Variants in SLC10A7 observed in about 807,000 individuals in gnomAD.
The protein encoded by SLC10A7 is solute carrier family 10 member 7.
SLC10A7 carries 29 observed loss-of-function variants against 43.2 expected under a neutral mutation model. The ratio of observed to expected loss-of-function variants is 0.67; its 90% CI spans 0.50 to 0.92. SLC10A7 has a LOEUF of 0.92. Among genes scored for constraint, SLC10A7 ranks in the 40% least tolerant of loss-of-function variants. The probability of loss-of-function intolerance (pLI) is 0.00; values close to 1 mark genes in which losing one functional copy is unlikely to be tolerated. For missense variants in SLC10A7, 295 were observed against 403.2 expected (o/e 0.73, Z 2.30); for synonymous variants, 152 against 144.8 (o/e 1.05, Z -0.35).
chr4:146,442,866 T>C lies in SLC10A7; in HGVS notation c.397-45A>G, dbSNP rs372980989. The C allele has an allele frequency of 9.0e-5, 117 of 1,296,920 alleles. No homozygotes were observed. The Middle Eastern group carries it at 9.7e-4, about 11-fold the overall frequency. The allele number at this position is 1,296,920 out of a possible 1,614,324, so 80.3% of individuals were successfully genotyped here. A position where few individuals can be genotyped will look rare whatever the true frequency, so the allele number is the denominator to read the frequency against. On this transcript the variant is annotated intron_variant, in intron 4 of 11. Coordinates refer to ENST00000335472, the MANE Select transcript of SLC10A7 (RefSeq NM_001029998.6). ...GGGAAAAAAACTCATTGAAAGTAAA[T>C]AAGAATAATAAAGCCAAAGATTATC...
chr4:146,264,112 C>T (rs762421738), intron 10 of SLC10A7, among the ~76,000 whole-genome samples: 2 of 152,226 alleles, frequency 1.3e-5, no homozygotes, highest in Non-Finnish European at 2.9e-5. Context: ...GAGCTTTCTT[C>T]CTCTAACAAG....
At chr4:146,482,236 G>T (rs1191834426) in intron 4 of SLC10A7, among the ~76,000 whole-genome samples, 2 of 151,916 alleles carry the variant, frequency 1.3e-5, no homozygotes, top group African/African-American at 4.8e-5. Flanking sequence ...TACCACCAAA[G>T]GAACTAAATG....
chr4:146,457,477 T>A (rs1021122941), intron 4 of SLC10A7, among the ~76,000 whole-genome samples: 1 of 151,894 alleles, frequency 6.6e-6, no homozygotes, highest in Non-Finnish European at 1.5e-5. Context: ...TAGGTCTTAT[T>A]CATTCTTTGT....
At chr4:146,441,201 C>T (rs990952006) in intron 5 of SLC10A7, among the ~76,000 whole-genome samples, 2 of 152,076 alleles carry the variant, frequency 1.3e-5, no homozygotes, top group African/African-American at 4.8e-5. Flanking sequence ...AAGAGGAAGA[C>T]TAAGAAGTGA....
At chr4:146,467,570 T>TTTC (rs1253491686) in intron 4 of SLC10A7, among the ~76,000 whole-genome samples, 1 of 140,934 alleles carries the variant, frequency 7.1e-6, no homozygotes, top group East Asian at 2.0e-4. Flanking sequence ...CTCTTTTTTT[T>TTTC]TTTTTTTTTT....
chr4:146,496,847 T>A (rs1735947866), intron 4 of SLC10A7, among the ~76,000 whole-genome samples: 1 of 152,202 alleles, frequency 6.6e-6, no homozygotes, highest in Non-Finnish European at 1.5e-5. Flanking sequence ...TTGCCATGGG[T>A]GAGGAAAAGG....
At chr4:146,413,901 C>T (rs558589480) in intron 5 of SLC10A7, among the ~76,000 whole-genome samples, 1 of 152,220 alleles carries the variant, frequency 6.6e-6, no homozygotes, top group African/African-American at 2.4e-5. Context: ...GGGTCAAATC[C>T]AGTAGAGCTG....
intron 4 of SLC10A7, among the ~76,000 whole-genome samples, chr4:146,456,521 C>A (rs1213400198): frequency 6.6e-6 from 1 of 151,920 alleles, no homozygotes; most frequent in Non-Finnish European, 1.5e-5. Flanking sequence ...GTTCCAATGT[C>A]CTCCTTAGGT....
At chr4:146,322,109 C>T (rs1176605859) in intron 6 of SLC10A7, among the ~76,000 whole-genome samples, 5 of 151,922 alleles carry the variant, frequency 3.3e-5, no homozygotes, top group Admixed American at 6.6e-5. Context: ...AGTTCATGAG[C>T]CTATGGGTCT....
chr4:146,341,086 C>G (rs566965960), intron 5 of SLC10A7, among the ~76,000 whole-genome samples: 20 of 151,748 alleles, frequency 1.3e-4, no homozygotes, highest in Non-Finnish European at 2.5e-4. Context: ...TTTTCACTAA[C>G]AGTAGCTTAT....
intron 5 of SLC10A7, among the ~76,000 whole-genome samples, chr4:146,403,981 A>G (rs1342838762): frequency 2.0e-5 from 3 of 152,160 alleles, no homozygotes; most frequent in Non-Finnish European, 2.9e-5. Flanking sequence ...ATATTGCTAA[A>G]TTACCAAATA....
At chr4:146,516,299 G>A (rs190912970) in intron 2 of SLC10A7, among the ~76,000 whole-genome samples, 7 of 151,126 alleles carry the variant, frequency 4.6e-5, no homozygotes, top group South Asian at 2.1e-4. Flanking sequence ...TCTATCACAC[G>A]TAAATGTAAA....
intron 5 of SLC10A7, among the ~76,000 whole-genome samples, chr4:146,434,391 A>G (rs1730039684): frequency 1.3e-5 from 2 of 152,226 alleles, no homozygotes; most frequent in African/African-American, 4.8e-5. Flanking sequence ...AGCTTTTGGT[A>G]TATTTAAAAA....
At chr4:146,464,681 A>G (rs2149946388) in intron 4 of SLC10A7, among the ~76,000 whole-genome samples, 1 of 152,160 alleles carries the variant, frequency 6.6e-6, no homozygotes, top group East Asian at 1.9e-4. Flanking sequence ...AATAACAGTA[A>G]TTTTATGATA....
intron 5 of SLC10A7, among the ~76,000 whole-genome samples, chr4:146,353,156 A>G (rs1735268473): frequency 7.7e-6 from 1 of 130,608 alleles, no homozygotes; most frequent in African/African-American, 2.9e-5. Flanking sequence ...TAATAAAGAA[A>G]AAAAGAGAGA....
intron 5 of SLC10A7, among the ~76,000 whole-genome samples, chr4:146,414,095 A>T (rs746617331): frequency 3.9e-5 from 6 of 152,154 alleles, no homozygotes; most frequent in Non-Finnish European, 7.3e-5. Flanking sequence ...GGTGAAGTAG[A>T]AATGTCCAGA....
chr4:146,487,502 G>A (rs1339994023), intron 4 of SLC10A7, among the ~76,000 whole-genome samples: 1 of 152,172 alleles, frequency 6.6e-6, no homozygotes, highest in Non-Finnish European at 1.5e-5. Context: ...AAAATGTCAA[G>A]CCATCCAACT....
chr4:146,479,715 A>G (rs1341662152), intron 4 of SLC10A7, among the ~76,000 whole-genome samples: 1 of 152,170 alleles, frequency 6.6e-6, no homozygotes, highest in Admixed American at 6.5e-5. Flanking sequence ...ACACAACAAT[A>G]TGAATATACT....
chr4:146,510,390 G>A (rs1737352352), intron 2 of SLC10A7, among the ~76,000 whole-genome samples: 2 of 151,896 alleles, frequency 1.3e-5, no homozygotes, highest in South Asian at 4.2e-4. Context: ...CTCCTGAGTA[G>A]TTTGGACTAC....
Sources: gnomAD v4.1 joint callset for allele counts (sites outside exome capture counted in the v4.1 genomes callset) on GRCh38, gnomAD v4.1.1 for gene constraint, MANE v1.5 for transcripts, NCBI Gene and HGNC (gene_info 2026-07-23, HGNC 2026-07-21) for gene names.